Variants in CBFA2T3 observed in about 807,000 individuals in gnomAD.
CBFA2T3 encodes the protein CBFA2/RUNX1 partner transcriptional co-repressor 3, also known as transcriptional corepressor CBFA2T3.
In CBFA2T3, 31 loss-of-function variants were observed where a neutral mutation model predicts 58.6. The ratio of observed to expected loss-of-function variants is 0.53; its 90% CI spans 0.40 to 0.71. The LOEUF is 0.71. CBFA2T3 is among the 30% of genes least tolerant of loss of function. The pLI is 0.00. For synonymous variants in CBFA2T3, 531 were observed against 421.9 expected, an observed-to-expected ratio of 1.26 and a Z score of -3.17; for missense variants, 1,076 against 963.1, an observed-to-expected ratio of 1.12 and a Z score of -1.55.
intron 11 of CBFA2T3, among the ~76,000 whole-genome samples, chr16:88,877,793 TG>T (rs1185489425): frequency 6.6e-6 from 1 of 151,154 alleles, no homozygotes; most frequent in Non-Finnish European, 1.5e-5. Context: ...GCAGAGGGGG[TG>T]GGGGATGCCA....
At chr16:88,895,687 G>A (rs1035981497) in intron 3 of CBFA2T3, among the ~76,000 whole-genome samples, 4 of 152,126 alleles carry the variant, frequency 2.6e-5, no homozygotes, top group Admixed American at 2.6e-4. Context: ...CTCCAGCCTG[G>A]GCCTCACAGA....
At chr16:88,960,718 G>GT (rs1264333974) in intron 1 of CBFA2T3, among the ~76,000 whole-genome samples, 2 of 152,204 alleles carry the variant, frequency 1.3e-5, no homozygotes. Flanking sequence ...AGACAGTGTC[G>GT]TTGTGGCACT....
intron 5 of CBFA2T3, among the ~76,000 whole-genome samples, chr16:88,888,123 G>A (rs1455410264): frequency 6.6e-6 from 1 of 151,954 alleles, no homozygotes; most frequent in East Asian, 2.0e-4. Flanking sequence ...CCACCACCCC[G>A]TGAGGGAGAT....
chr16:88,961,845 A>G (rs532963475), intron 1 of CBFA2T3, among the ~76,000 whole-genome samples: 19 of 115,560 alleles, frequency 1.6e-4, no homozygotes, highest in East Asian at 5.5e-4. Context: ...TCAGCGCTGG[A>G]CATTCCCACT....
intron 7 of CBFA2T3, among the ~76,000 whole-genome samples, chr16:88,883,108 G>T (rs796823026): frequency 6.6e-6 from 1 of 152,200 alleles, no homozygotes; most frequent in Non-Finnish European, 1.5e-5. Context: ...GGTGTGGACC[G>T]AGGCTGGCTG....
chr16:88,904,328 C>G (rs1970220079), intron 1 of CBFA2T3, among the ~76,000 whole-genome samples: 1 of 152,150 alleles, frequency 6.6e-6, no homozygotes, highest in Non-Finnish European at 1.5e-5. Flanking sequence ...TCACCGAGAC[C>G]CTCTGCGGCT....
intron 1 of CBFA2T3, among the ~76,000 whole-genome samples, chr16:88,918,219 C>T (rs113357108): frequency 0.011 from 1,689 of 152,348 alleles, 36 homozygotes; most frequent in African/African-American, 0.039. Flanking sequence ...TGCAAACACG[C>T]GCACAAATGG....
intron 1 of CBFA2T3, among the ~76,000 whole-genome samples, chr16:88,916,871 G>A (rs1488427766): frequency 6.6e-6 from 1 of 152,106 alleles, no homozygotes; most frequent in African/African-American, 2.4e-5. Flanking sequence ...GACAGGCGTG[G>A]AGGGGCCAAC....
chr16:88,938,029 A>G (rs1971563812), intron 1 of CBFA2T3: 1 of 152,282 alleles, frequency 6.6e-6, no homozygotes, highest in African/African-American at 2.4e-5. Context: ...CCTCCCCTGC[A>G]CAGCAGGGCA....
intron 1 of CBFA2T3, among the ~76,000 whole-genome samples, chr16:88,931,014 G>A (rs1597745540): frequency 6.6e-6 from 1 of 152,046 alleles, no homozygotes; most frequent in Non-Finnish European, 1.5e-5. Flanking sequence ...TAAACGTTAT[G>A]TGTATTTTCC....
Position 88,901,488 on chromosome 16 carries a change from G to A in CBFA2T3, c.304+16C>T, listed in dbSNP as rs1331970334. The A allele has an allele frequency of 7.0e-7, 1 of 1,424,434 alleles. No homozygotes were observed. The highest frequency in any genetic ancestry group is 9.3e-7 in the Non-Finnish European group (1 of 1,075,942). The allele number at this position is 1,424,434 out of a possible 1,614,324, so 88.2% of individuals were successfully genotyped here. A position where few individuals can be genotyped will look rare whatever the true frequency, so the allele number is the denominator to read the frequency against. The stretch of plus-strand genomic sequence containing the variant: ...TGAAACACCTGGCCCTCGGCTGCCA[G>A]GTGGGGGCTACTTACGTGTGTGTGG... On this transcript the variant is annotated intron_variant, in intron 2 of 11. Coordinates refer to ENST00000268679, the MANE Select transcript of CBFA2T3 (RefSeq NM_005187.6).
At chr16:88,902,558 G>A (rs1000267010) in intron 1 of CBFA2T3, 1 of 152,300 alleles carries the variant, frequency 6.6e-6, no homozygotes, top group Non-Finnish European at 1.5e-5. Flanking sequence ...GCCACCCAGA[G>A]AGCAGGACCT....
rs9921391 is a variant in CBFA2T3 at position 88,929,841 on chromosome 16, A to G, written c.152-28185T>C. 3.9e-3 allele frequency among the ~76,000 whole-genome samples: 549 copies of G among 140,966 alleles called. 7 individuals carry two copies. The highest frequency in any genetic ancestry group is 0.01 in the South Asian group (44 of 4,196). The allele number at this position is 140,966 out of a possible 152,430, so 92.5% of individuals were successfully genotyped here. A position where few individuals can be genotyped will look rare whatever the true frequency, so the allele number is the denominator to read the frequency against. ...AGCTACCAATACCCACAGCTGCATCATCCACGCAAAAGCTACCCATGCCCA... is the reference window on the plus strand; with the variant it reads ...AGCTACCAATACCCACAGCTGCATCGTCCACGCAAAAGCTACCCATGCCCA... On this transcript the variant is annotated intron_variant, in intron 1 of 11. Transcript: ENST00000268679.
At chr16:88,912,483 C>A (rs1269033610) in intron 1 of CBFA2T3, among the ~76,000 whole-genome samples, 1 of 152,226 alleles carries the variant, frequency 6.6e-6, no homozygotes, top group Non-Finnish European at 1.5e-5. Flanking sequence ...GTCTCCTCAT[C>A]ATTCAGGTCT....
chr16:88,931,823 C>T (rs1567616809), intron 1 of CBFA2T3, among the ~76,000 whole-genome samples: 1 of 152,056 alleles, frequency 6.6e-6, no homozygotes, highest in Non-Finnish European at 1.5e-5. Context: ...TGTCACGGCT[C>T]ACGCTTTATA....
At chr16:88,880,995 T>G (rs1969046812) in intron 9 of CBFA2T3, 1 of 673,698 alleles carries the variant, frequency 1.5e-6, no homozygotes, top group African/African-American at 1.8e-5. Context: ...GACCTTGGAC[T>G]CGGCTGGGAG....
intron 3 of CBFA2T3, among the ~76,000 whole-genome samples, chr16:88,893,192 C>T (rs926197005): frequency 1.3e-5 from 2 of 150,532 alleles, no homozygotes; most frequent in African/African-American, 4.9e-5. Flanking sequence ...GTCCCCACAA[C>T]AGGTGCCTCC....
At position 88,895,305 on chromosome 16, in the gene CBFA2T3, C is replaced by T. The variant is rs114793465; in HGVS notation, c.379+2773G>A. ...TGGCCGCCATCAGCTTCCTCCACTCCGCCTTCCCAGAAGCCGCCTGAGGCT... is the reference window on the plus strand; with the variant it reads ...TGGCCGCCATCAGCTTCCTCCACTCTGCCTTCCCAGAAGCCGCCTGAGGCT... On this transcript the variant is annotated intron_variant, in intron 3 of 11. Coordinates refer to ENST00000268679, the MANE Select transcript of CBFA2T3 (RefSeq NM_005187.6). Among the ~76,000 whole-genome samples the T allele has an allele frequency of 5.7e-3, 865 of 152,332 alleles. 13 individuals carry two copies. Among genetic ancestry groups the T allele is most frequent in the African/African-American group, 0.02 (814 of 41,570 alleles).
At chr16:88,886,849 A>G (rs962468498) in intron 5 of CBFA2T3, 1 of 152,326 alleles carries the variant, frequency 6.6e-6, no homozygotes, top group Admixed American at 6.5e-5. Context: ...AAGACTCCGC[A>G]GCATGCGGCC....
Sources: gnomAD v4.1 joint callset for allele counts (sites outside exome capture counted in the v4.1 genomes callset) on GRCh38, gnomAD v4.1.1 for gene constraint, MANE v1.5 for transcripts, NCBI Gene and HGNC (gene_info 2026-07-23, HGNC 2026-07-21) for gene names.